GALNT18: variants seen among roughly 807,000 people sequenced by gnomAD.
GALNT18 encodes the protein polypeptide N-acetylgalactosaminyltransferase 18.
A neutral mutation model predicts 69.5 loss-of-function variants in GALNT18; 44 were observed. The observed-to-expected ratio is 0.63, with a 90% confidence interval of 0.50 to 0.81. The LOEUF (loss-of-function observed/expected upper bound fraction) is 0.81. Ranked by LOEUF, GALNT18 falls within the 40% of genes least tolerant of loss-of-function variation. The pLI is 0.00. For synonymous variants in GALNT18, 364 were observed against 318.2 expected, an observed-to-expected ratio of 1.14 and a Z score of -1.53; for missense variants, 715 against 810.0, an observed-to-expected ratio of 0.88 and a Z score of 1.42.
intron 10 of GALNT18, among the ~76,000 whole-genome samples, chr11:11,285,423 ATGTT>A (rs1178603704): frequency 5.9e-5 from 9 of 152,196 alleles, no homozygotes; most frequent in African/African-American, 2.2e-4. Flanking sequence ...CACCATATAA[ATGTT>A]TGAGCAATAC....
chr11:11,513,853 A>G (rs1590064360), intron 1 of GALNT18, among the ~76,000 whole-genome samples: 1 of 152,164 alleles, frequency 6.6e-6, no homozygotes, highest in East Asian at 1.9e-4. Context: ...GTGGGACTGA[A>G]ATGTGTTTCT....
intron 8 of GALNT18, among the ~76,000 whole-genome samples, chr11:11,330,079 A>G (rs761992633): frequency 2.6e-5 from 4 of 152,172 alleles, no homozygotes; most frequent in Non-Finnish European, 5.9e-5. Flanking sequence ...CATCTCCTGG[A>G]CATGAAGCTC....
intron 9 of GALNT18, among the ~76,000 whole-genome samples, chr11:11,300,834 T>G (rs1849481986): frequency 6.6e-6 from 1 of 152,170 alleles, no homozygotes; most frequent in African/African-American, 2.4e-5. Flanking sequence ...TCTCAGGGAC[T>G]GGGGCCTGGG....
At chr11:11,282,969 G>A (rs1235127019) in intron 10 of GALNT18, among the ~76,000 whole-genome samples, 2 of 152,240 alleles carry the variant, frequency 1.3e-5, no homozygotes, top group East Asian at 3.9e-4. Flanking sequence ...CAGACGGCAA[G>A]TGTAAGAGGT....
At chr11:11,576,826 G>A (rs558994734) in intron 1 of GALNT18, among the ~76,000 whole-genome samples, 8 of 152,258 alleles carry the variant, frequency 5.3e-5, no homozygotes, top group Middle Eastern at 3.4e-3. Context: ...TTTTGCCCTC[G>A]CACAGAACAA....
At chr11:11,495,795 G>A (rs1856856809) in intron 1 of GALNT18, among the ~76,000 whole-genome samples, 1 of 152,174 alleles carries the variant, frequency 6.6e-6, no homozygotes. Flanking sequence ...GCTCTCAGAA[G>A]TCCCCTGGTA....
intron 10 of GALNT18, among the ~76,000 whole-genome samples, chr11:11,291,698 C>T (rs1849302839): frequency 6.6e-6 from 1 of 152,118 alleles, no homozygotes; most frequent in African/African-American, 2.4e-5. Context: ...CATTTGGCTC[C>T]TGGGCTCCTC....
chr11:11,592,521 C>A lies in GALNT18; in HGVS notation c.235+28838G>T, dbSNP rs1200084518. Among the ~76,000 whole-genome samples, 1 of 152,176 alleles carries A rather than the reference C, an allele frequency of 6.6e-6. No homozygotes were observed. Among genetic ancestry groups the A allele is most frequent in the Non-Finnish European group, 1.5e-5 (1 of 68,028 alleles). On this transcript the variant is annotated intron_variant, in intron 1 of 10. Transcript: ENST00000227756. The surrounding 1 kb of genome is among the most constrained non-coding windows in gnomAD (Gnocchi z 5.9). ...GCTCCCTGGCAGAACCATGCTCCCT[C>A]ACCTTACCCCCACACACAGCACACG...
intron 9 of GALNT18, among the ~76,000 whole-genome samples, chr11:11,295,157 A>G (rs1232206599): frequency 6.6e-6 from 1 of 152,092 alleles, no homozygotes; most frequent in African/African-American, 2.4e-5. Flanking sequence ...CCTTCACGGC[A>G]GATTCTTCCT....
chr11:11,373,365 C>T (rs182223203), intron 5 of GALNT18, among the ~76,000 whole-genome samples: 1 of 152,270 alleles, frequency 6.6e-6, no homozygotes, highest in African/African-American at 2.4e-5. Flanking sequence ...AGCCCAACTT[C>T]AAAATAGATG....
chr11:11,579,059 C>A (rs1475832294), intron 1 of GALNT18, among the ~76,000 whole-genome samples: 1 of 152,190 alleles, frequency 6.6e-6, no homozygotes, highest in Non-Finnish European at 1.5e-5. Flanking sequence ...GCCAAGAGGG[C>A]GGCTCGGGTT....
intron 2 of GALNT18, among the ~76,000 whole-genome samples, chr11:11,446,707 C>T (rs1429422697): frequency 6.6e-6 from 1 of 152,232 alleles, no homozygotes; most frequent in Non-Finnish European, 1.5e-5. Flanking sequence ...GGTCTCCATG[C>T]TCCCAGCCTT....
Position 11,432,553 on chromosome 11 carries a change from C to G in GALNT18, c.595+68G>C. 6.7e-7 allele frequency: 1 copy of G among 1,485,010 alleles called. No individual in the cohort carries two copies. The highest frequency in any genetic ancestry group is 9.2e-7 in the Non-Finnish European group (1 of 1,092,150). The allele number at this position is 1,485,010 out of a possible 1,614,324, so 92.0% of individuals were successfully genotyped here. ...AGCCTTGAGCAAATGTGAACCACGA[C>G]GCTGAACCATCAGCTTAGATGTCAG... is the stretch of plus-strand genomic sequence containing the variant. On this transcript the variant is annotated intron_variant, in intron 3 of 10. Coordinates refer to ENST00000227756, the MANE Select transcript of GALNT18 (RefSeq NM_198516.3). This position sits in a 1 kb window ranked among gnomAD's most constrained non-coding sequence, Gnocchi z 5.8.
At chr11:11,374,158 T>C (rs1850979309) in intron 5 of GALNT18, among the ~76,000 whole-genome samples, 1 of 152,152 alleles carries the variant, frequency 6.6e-6, no homozygotes. Flanking sequence ...CCACCACTCC[T>C]AAAGCAGACT....
chr11:11,478,182 G>A (rs1217653142), intron 1 of GALNT18, among the ~76,000 whole-genome samples: 1 of 152,220 alleles, frequency 6.6e-6, no homozygotes, highest in Non-Finnish European at 1.5e-5. Flanking sequence ...AACCTGGATA[G>A]TATCAGACCA....
intron 1 of GALNT18, among the ~76,000 whole-genome samples, chr11:11,450,879 T>C (rs957067107): frequency 6.6e-6 from 1 of 152,212 alleles, no homozygotes; most frequent in Non-Finnish European, 1.5e-5. Context: ...GAAAGTGCAG[T>C]AGCTGGATTT....
chr11:11,362,628 C>T (rs991587734), intron 6 of GALNT18, among the ~76,000 whole-genome samples: 1 of 151,984 alleles, frequency 6.6e-6, no homozygotes, highest in African/African-American at 2.4e-5. Flanking sequence ...TTAAAACTAC[C>T]CTGAAAGGCC....
In GALNT18 at chr11:11,595,852, C is replaced by A. The variant is rs1859487256; in HGVS notation, c.235+25507G>T. Among the ~76,000 whole-genome samples the A allele has an allele frequency of 6.6e-6, 1 of 152,156 alleles. No homozygotes were observed. On this transcript the variant is annotated intron_variant, in intron 1 of 10. Coordinates refer to ENST00000227756, the MANE Select transcript of GALNT18 (RefSeq NM_198516.3). This position sits in a 1 kb window ranked among gnomAD's most constrained non-coding sequence, Gnocchi z 5.2. Reference sequence around the variant, plus strand: ...ATTGGATTATCATTTCAAGAGAATACTCGTTGAATAGTATTCTTTGATATA... The same window carrying A: ...ATTGGATTATCATTTCAAGAGAATAATCGTTGAATAGTATTCTTTGATATA...
At chr11:11,527,022 CTT>C (rs906383123) in intron 1 of GALNT18, among the ~76,000 whole-genome samples, 1 of 152,100 alleles carries the variant, frequency 6.6e-6, no homozygotes, top group African/African-American at 2.4e-5. Flanking sequence ...AGGGAAGATG[CTT>C]TCTCATTTAT....
Sources: allele counts gnomAD v4.1 joint callset (sites outside exome capture counted in the v4.1 genomes callset), GRCh38; gene constraint gnomAD v4.1.1; non-coding constraint Gnocchi (gnomAD v3.1); transcripts MANE v1.5; gene names NCBI Gene and HGNC (gene_info 2026-07-23, HGNC 2026-07-21).